The following GRM5 variants were observed in gnomAD, a reference collection of about 807,000 sequenced individuals.
The protein encoded by GRM5 is metabotropic glutamate receptor 5.
Under a neutral mutation model 83.1 loss-of-function variants are expected in GRM5, and 19 were observed. The observed-to-expected ratio is 0.23, with a 90% CI of 0.16 to 0.34. The LOEUF (loss-of-function observed/expected upper bound fraction) is 0.34. Ranked by LOEUF, GRM5 falls within the 10% of genes least tolerant of loss-of-function variation. The pLI is 1.00. For synonymous variants in GRM5, 675 were observed against 633.6 expected (o/e 1.07, Z -0.98); for missense variants, 1,160 against 1,588.3 (o/e 0.73, Z 4.58).
chr11:88,901,961 T>C (rs971412147), intron 2 of GRM5, among the ~76,000 whole-genome samples: 1 of 152,172 alleles, frequency 6.6e-6, no homozygotes, highest in Non-Finnish European at 1.5e-5. Flanking sequence ...TCTGGAATTA[T>C]ACAAGTAGTT....
intron 3 of GRM5, among the ~76,000 whole-genome samples, chr11:88,676,182 T>C (rs894578661): frequency 6.6e-6 from 1 of 152,044 alleles, no homozygotes; most frequent in African/African-American, 2.4e-5. Flanking sequence ...TATAATTCAG[T>C]GTTTTATTCC....
At chr11:88,969,020 C>T (rs952852249) in intron 2 of GRM5, among the ~76,000 whole-genome samples, 5 of 151,798 alleles carry the variant, frequency 3.3e-5, no homozygotes, top group East Asian at 1.9e-4. Flanking sequence ...CCTGAAAGTA[C>T]GACAATTATT....
At chr11:88,683,679 A>G (rs939875239) in intron 3 of GRM5, among the ~76,000 whole-genome samples, 3 of 152,242 alleles carry the variant, frequency 2.0e-5, no homozygotes, top group African/African-American at 4.8e-5. Flanking sequence ...TGTGAAATTC[A>G]ACATCTACTT....
chr11:89,060,272 A>G (rs1941962507), intron 1 of GRM5, among the ~76,000 whole-genome samples: 3 of 126,482 alleles, frequency 2.4e-5, no homozygotes, highest in African/African-American at 9.9e-5. Context: ...AATGGTATAT[A>G]TATATATATA....
rs566208647 is a variant in GRM5 at position 89,056,547 on chromosome 11, A to G, written c.-200-8475T>C. On this transcript the variant is annotated intron_variant, in intron 1 of 9. Coordinates refer to ENST00000305447, the MANE Select transcript of GRM5 (RefSeq NM_001143831.3). ...ACTTCTAGAAATGTCTAAGAACACC[A>G]ATTTCTTATAGTAGGAAACAAATTC... Among the ~76,000 whole-genome samples the G allele has an allele frequency of 2.3e-4, 35 of 152,196 alleles. 1 individual carries two copies. Among genetic ancestry groups the G allele is most frequent in the Non-Finnish European group, 4.0e-4 (27 of 68,026 alleles).
chr11:88,514,969 C>T (rs757084282), intron 9 of GRM5, among the ~76,000 whole-genome samples: 4 of 152,236 alleles, frequency 2.6e-5, no homozygotes, highest in South Asian at 2.1e-4. Flanking sequence ...CACAATAATT[C>T]CCCCAGAGAA....
chr11:88,778,535 C>T (rs11021297), intron 3 of GRM5, among the ~76,000 whole-genome samples: 5 of 152,090 alleles, frequency 3.3e-5, no homozygotes, highest in African/African-American at 7.2e-5. Flanking sequence ...TCTTCTGCAT[C>T]GATCACATTA....
At chr11:88,867,845 T>G (rs781731796) in intron 2 of GRM5, among the ~76,000 whole-genome samples, 1 of 151,902 alleles carries the variant, frequency 6.6e-6, no homozygotes, top group Non-Finnish European at 1.5e-5. Flanking sequence ...ACATTTCTGT[T>G]GTTTACGAAC....
intron 5 of GRM5, among the ~76,000 whole-genome samples, chr11:88,600,587 C>A (rs1454945642): frequency 6.6e-6 from 1 of 151,674 alleles, no homozygotes; most frequent in African/African-American, 2.4e-5. Flanking sequence ...ACAATAACAA[C>A]AACAAAAAGT....
chr11:89,009,638 T>A (rs1457481342), intron 2 of GRM5, among the ~76,000 whole-genome samples: 1 of 151,986 alleles, frequency 6.6e-6, no homozygotes, highest in Non-Finnish European at 1.5e-5. Flanking sequence ...GGCTCACGCC[T>A]GTAATCCCAG....
chr11:88,548,274 T>C (rs2135142788), intron 8 of GRM5, among the ~76,000 whole-genome samples: 1 of 152,296 alleles, frequency 6.6e-6, no homozygotes, highest in Admixed American at 6.5e-5. Flanking sequence ...GCAAGACCAC[T>C]TCTAAGCAGG....
At chr11:88,733,233 C>A (rs527663048) in intron 3 of GRM5, among the ~76,000 whole-genome samples, 17 of 152,096 alleles carry the variant, frequency 1.1e-4, no homozygotes, top group African/African-American at 3.9e-4. Flanking sequence ...TTATCCCCAG[C>A]ATCTAAGATA....
intron 8 of GRM5, among the ~76,000 whole-genome samples, chr11:88,552,579 A>G (rs1322857266): frequency 6.6e-6 from 1 of 152,064 alleles, no homozygotes; most frequent in Non-Finnish European, 1.5e-5. Context: ...AGGCTTTCTC[A>G]CTGGAGTTGC....
At chr11:88,776,837 G>A (rs1942863088) in intron 3 of GRM5, among the ~76,000 whole-genome samples, 1 of 152,146 alleles carries the variant, frequency 6.6e-6, no homozygotes, top group African/African-American at 2.4e-5. Context: ...TCCCTTTGTG[G>A]GTAACTTGAC....
At chr11:88,709,519 T>G (rs189122284) in intron 3 of GRM5, among the ~76,000 whole-genome samples, 260 of 152,156 alleles carry the variant, frequency 1.7e-3, no homozygotes, top group Middle Eastern at 3.4e-3. Flanking sequence ...AAGAGACTTA[T>G]CAGAAATCAA....
At chr11:89,002,268 T>C (rs887341958) in intron 2 of GRM5, among the ~76,000 whole-genome samples, 3 of 152,178 alleles carry the variant, frequency 2.0e-5, no homozygotes, top group African/African-American at 7.2e-5. Flanking sequence ...AGAGCTAACA[T>C]GCTTTTATTA....
At chr11:88,803,504 T>A (rs1308202006) in intron 3 of GRM5, among the ~76,000 whole-genome samples, 1 of 152,042 alleles carries the variant, frequency 6.6e-6, no homozygotes, top group East Asian at 1.9e-4. Flanking sequence ...TGAAACTGGA[T>A]CCCTTCCTTA....
intron 2 of GRM5, among the ~76,000 whole-genome samples, chr11:88,916,793 A>T (rs570444110): frequency 6.6e-6 from 1 of 151,882 alleles, no homozygotes; most frequent in Admixed American, 6.6e-5. Context: ...TTTGTCTTGC[A>T]ACTTCGGTAA....
At chr11:89,030,092 G>T (rs922331610) in intron 2 of GRM5, among the ~76,000 whole-genome samples, 10 of 152,006 alleles carry the variant, frequency 6.6e-5, no homozygotes, top group Admixed American at 6.6e-5. Flanking sequence ...CTATTAACCA[G>T]AATTCATCTT....
Sources: allele counts gnomAD v4.1 joint callset (sites outside exome capture counted in the v4.1 genomes callset), GRCh38; gene constraint gnomAD v4.1.1; transcripts MANE v1.5; gene names NCBI Gene and HGNC (gene_info 2026-07-23, HGNC 2026-07-21).